The following AGMO variants were observed in gnomAD, a reference collection of about 807,000 sequenced individuals.
AGMO encodes the protein alkylglycerol monooxygenase.
In AGMO, 75 loss-of-function variants were observed where a neutral mutation model predicts 60.2. That is an observed-to-expected ratio of 1.25 (90% CI 1.03 to 1.51). The LOEUF (loss-of-function observed/expected upper bound fraction) is 1.51. Among genes scored for constraint, AGMO ranks in the 40% most tolerant of loss-of-function variants. AGMO has a pLI of 0.00. For synonymous variants in AGMO, 261 were observed against 177.1 expected (o/e 1.47, Z -3.76); for missense variants, 763 against 525.5 (o/e 1.45, Z -4.42).
intron 3 of AGMO, among the ~76,000 whole-genome samples, chr7:15,490,687 C>G (rs1783046690): frequency 6.6e-6 from 1 of 151,980 alleles, no homozygotes; most frequent in South Asian, 2.1e-4. Context: ...TAGTAATAGA[C>G]AATTCAAAAT....
chr7:15,359,070 A>T (rs1301783661), intron 12 of AGMO, among the ~76,000 whole-genome samples: 2 of 152,124 alleles, frequency 1.3e-5, no homozygotes, highest in Admixed American at 1.3e-4. Flanking sequence ...CAGGCGGATC[A>T]TGAGGTCAGG....
chr7:15,158,003 G>T, the AGMO span, among the ~76,000 whole-genome samples: 5 of 152,072 alleles, frequency 3.3e-5, no homozygotes, highest in African/African-American at 1.2e-4. Context: ...ATTTTCAGGG[G>T]CTCTAGGCAC....
At chr7:15,165,366 C>T in the AGMO span, among the ~76,000 whole-genome samples, 8 of 152,076 alleles carry the variant, frequency 5.3e-5, no homozygotes, top group South Asian at 1.7e-3. Context: ...TGCACATGTA[C>T]TCCCTGAATC....
intron 12 of AGMO, among the ~76,000 whole-genome samples, chr7:15,261,354 T>C (rs1167099351): frequency 6.6e-6 from 1 of 152,062 alleles, no homozygotes; most frequent in Non-Finnish European, 1.5e-5. Context: ...CAAAAGATTA[T>C]TCAATGCTAC....
intron 3 of AGMO, among the ~76,000 whole-genome samples, chr7:15,533,572 T>G (rs1784418931): frequency 6.6e-6 from 1 of 152,168 alleles, no homozygotes; most frequent in Admixed American, 6.5e-5. Context: ...ATGCTTTACG[T>G]GCAGTTCACT....
At chr7:15,477,347 T>C (rs1464889624) in intron 3 of AGMO, among the ~76,000 whole-genome samples, 4 of 152,070 alleles carry the variant, frequency 2.6e-5, no homozygotes, top group African/African-American at 7.2e-5. Flanking sequence ...CCATAGACAG[T>C]AACAAATGCT....
intron 12 of AGMO, among the ~76,000 whole-genome samples, chr7:15,288,778 A>G (rs1784172905): frequency 6.6e-6 from 1 of 151,376 alleles, no homozygotes; most frequent in African/African-American, 2.4e-5. Context: ...AAAAAAAAAG[A>G]AAGAAAAACT....
intron 2 of AGMO, among the ~76,000 whole-genome samples, chr7:15,547,699 AGTCTGAG>A (rs1784825007): frequency 2.6e-5 from 4 of 152,036 alleles, no homozygotes; most frequent in African/African-American, 9.7e-5. Flanking sequence ...CTAGCACAGC[AGTCTGAG>A]ATCAAACTGC....
rs529444430 is a variant in AGMO at position 15,541,000 on chromosome 7, A to G, written c.409+3772T>C. Among the ~76,000 whole-genome samples the G allele has an allele frequency of 2.6e-5, 4 of 152,364 alleles. No individual in the cohort carries two copies. The East Asian group carries it at 7.7e-4, about 29-fold the overall frequency. ...TTCTTGTTCCTCCCAAGCAGTAATT[A>G]TCAGCTTTTAAAAATGTTTCCTTGA... is the stretch of plus-strand genomic sequence containing the variant. On this transcript the variant is annotated intron_variant, in intron 3 of 12. Coordinates refer to ENST00000342526, the MANE Select transcript of AGMO (RefSeq NM_001004320.2).
chr7:15,216,414 T>C (rs1781739308), intron 12 of AGMO, among the ~76,000 whole-genome samples: 1 of 152,094 alleles, frequency 6.6e-6, no homozygotes. Flanking sequence ...TTGTAAACTG[T>C]AGACACAAAT....
chr7:15,508,165 T>C (rs969122367), intron 3 of AGMO, among the ~76,000 whole-genome samples: 2 of 151,990 alleles, frequency 1.3e-5, no homozygotes, highest in African/African-American at 2.4e-5. Context: ...CCCTAGAAAA[T>C]GCAAGCAGGT....
chr7:15,202,197 A>G (rs560129171), intron 12 of AGMO, among the ~76,000 whole-genome samples: 30 of 152,092 alleles, frequency 2.0e-4, no homozygotes, highest in African/African-American at 6.5e-4. Flanking sequence ...CTTCCCCTCC[A>G]TACTATTAAA....
chr7:15,549,254 T>C (rs1784876232), intron 2 of AGMO, among the ~76,000 whole-genome samples: 1 of 141,620 alleles, frequency 7.1e-6, no homozygotes, highest in African/African-American at 2.7e-5. Context: ...AGAAACTGCA[T>C]CAACTAACGA....
chr7:15,300,837 C>T (rs1239866310), intron 12 of AGMO, among the ~76,000 whole-genome samples: 4 of 152,138 alleles, frequency 2.6e-5, no homozygotes, highest in Non-Finnish European at 4.4e-5. Context: ...AGCCAAACAA[C>T]AGCAAGCACT....
At chr7:15,232,789 CCACACACACACGCACA>C (rs989161713) in intron 12 of AGMO, among the ~76,000 whole-genome samples, 2 of 88,484 alleles carry the variant, frequency 2.3e-5, no homozygotes, top group African/African-American at 8.7e-5. Context: ...AACATGGAAA[CCACACACACACGCACA>C]CACACACACA....
intron 3 of AGMO, among the ~76,000 whole-genome samples, chr7:15,472,903 A>G (rs1438360006): frequency 3.3e-5 from 5 of 151,948 alleles, no homozygotes; most frequent in Non-Finnish European, 7.4e-5. Context: ...AAAAGCAAGT[A>G]GGAAACAAAG....
chr7:15,390,160 CAT>C (rs1784078726), intron 8 of AGMO, among the ~76,000 whole-genome samples: 1 of 152,098 alleles, frequency 6.6e-6, no homozygotes, highest in Non-Finnish European at 1.5e-5. Context: ...ACCAGTACCA[CAT>C]GTCTAAGAGA....
chr7:15,482,813 G>A (rs1018964137), intron 3 of AGMO, among the ~76,000 whole-genome samples: 2 of 152,100 alleles, frequency 1.3e-5, no homozygotes, highest in African/African-American at 4.8e-5. Context: ...CTATTCAGGT[G>A]GGTTTGGTTA....
intron 3 of AGMO, among the ~76,000 whole-genome samples, chr7:15,456,443 A>G (rs1329597303): frequency 1.3e-5 from 2 of 152,166 alleles, no homozygotes; most frequent in African/African-American, 4.8e-5. Flanking sequence ...GAGAATGATT[A>G]GAATTTTTCA....
Sources: allele counts gnomAD v4.1 joint callset (sites outside exome capture counted in the v4.1 genomes callset), GRCh38; gene constraint gnomAD v4.1.1; transcripts MANE v1.5; gene names NCBI Gene and HGNC (gene_info 2026-07-23, HGNC 2026-07-21).